Variants in LRP1B observed in about 807,000 individuals in gnomAD.
LRP1B encodes the protein low-density lipoprotein receptor-related protein 1B.
Under a neutral mutation model 556.6 loss-of-function variants are expected in LRP1B, and 217 were observed. The ratio of observed to expected loss-of-function variants is 0.39; its 90% CI spans 0.35 to 0.44. LRP1B has a LOEUF of 0.44. Among genes scored for constraint, LRP1B ranks in the 20% least tolerant of loss-of-function variants. The pLI, the probability that LRP1B is intolerant of heterozygous loss-of-function variation, is 1.00. For missense variants in LRP1B, 5,053 were observed against 5,620.8 expected (o/e 0.90, Z 3.23); for synonymous variants, 2,047 against 1,865.8 (o/e 1.10, Z -2.50).
At chr2:141,230,824 C>A (rs976687606) in intron 5 of LRP1B, among the ~76,000 whole-genome samples, 8 of 152,286 alleles carry the variant, frequency 5.3e-5, no homozygotes, top group African/African-American at 1.9e-4. Context: ...TCTCCTAGCA[C>A]TTTATCGTCT....
chr2:140,265,459 G>A (rs1192308737), intron 86 of LRP1B, among the ~76,000 whole-genome samples: 3 of 151,976 alleles, frequency 2.0e-5, no homozygotes, highest in Non-Finnish European at 4.4e-5. Context: ...AGAGACAAAA[G>A]TGAATCCTTT....
chr2:141,056,453 A>C (rs1047271271), intron 9 of LRP1B, among the ~76,000 whole-genome samples: 1 of 151,894 alleles, frequency 6.6e-6, no homozygotes, highest in African/African-American at 2.4e-5. Flanking sequence ...CACACTGTGC[A>C]AAGCTACCAA....
At chr2:140,234,919 AATATT>A in intron 89 of LRP1B, 35 bp from the exon 90 acceptor site, 1 of 749,538 alleles carries the variant, frequency 1.3e-6, no homozygotes, top group Non-Finnish European at 2.5e-6. Context: ...TTTCTGATCT[AATATT>A]ATAGAATCAC....
At chr2:141,480,557 G>T in intron 2 of LRP1B, 24 bp from the exon 3 acceptor site, 1 of 1,612,800 alleles carries the variant, frequency 6.2e-7, no homozygotes, top group Non-Finnish European at 8.5e-7. Flanking sequence ...AAAAAGAACA[G>T]AATTATGTGT....
chr2:140,796,064 T>TCTAC (rs1201987976), intron 32 of LRP1B, among the ~76,000 whole-genome samples: 1 of 151,816 alleles, frequency 6.6e-6, no homozygotes, highest in Non-Finnish European at 1.5e-5. Context: ...TATCTATCTA[T>TCTAC]CTATCTATCT....
At chr2:141,436,765 C>T (rs1218773170) in intron 3 of LRP1B, among the ~76,000 whole-genome samples, 1 of 152,068 alleles carries the variant, frequency 6.6e-6, no homozygotes, top group Non-Finnish European at 1.5e-5. Flanking sequence ...CTCTGAGGAA[C>T]AGTTTAGGTT....
At chr2:141,855,043 C>G (rs1283569440) in intron 1 of LRP1B, among the ~76,000 whole-genome samples, 1 of 151,862 alleles carries the variant, frequency 6.6e-6, no homozygotes, top group Non-Finnish European at 1.5e-5. Flanking sequence ...AAAAAATGAA[C>G]GAAATTTTGT....
Position 140,674,673 on chromosome 2 carries a change from G to A in LRP1B, c.6799+25577C>T, listed in dbSNP as rs182403218. Among the ~76,000 whole-genome samples, 808 of 152,258 alleles carry A rather than the reference G, an allele frequency of 5.3e-3. 7 individuals carry two copies. Among genetic ancestry groups the A allele is most frequent in the Non-Finnish European group, 8.1e-3 (550 of 68,022 alleles). On this transcript the variant is annotated intron_variant, in intron 41 of 90. Transcript: ENST00000389484. ...GTCTCCCTAAAATGTATAAAACCAC[G>A]CTGTAACCCAAACACCTTGGGCACG...
At chr2:140,972,847 A>G (rs1173197181) in intron 18 of LRP1B, among the ~76,000 whole-genome samples, 1 of 151,294 alleles carries the variant, frequency 6.6e-6, no homozygotes, top group Non-Finnish European at 1.5e-5. Flanking sequence ...ACTTGTTAGA[A>G]CAATAGTTTG....
At chr2:141,323,982 C>T (rs1471696651) in intron 3 of LRP1B, among the ~76,000 whole-genome samples, 1 of 95,110 alleles carries the variant, frequency 1.1e-5, no homozygotes, top group Non-Finnish European at 2.1e-5. Flanking sequence ...ACTCACATAC[C>T]TGAGCAAGGA....
At chr2:140,939,935 G>T (rs1695347774) in intron 20 of LRP1B, among the ~76,000 whole-genome samples, 1 of 144,562 alleles carries the variant, frequency 6.9e-6, no homozygotes, top group Non-Finnish European at 1.5e-5. Flanking sequence ...ACCCAGGCTG[G>T]AGTGCAGTGG....
intron 66 of LRP1B, among the ~76,000 whole-genome samples, chr2:140,441,018 A>T (rs1327366017): frequency 6.6e-6 from 1 of 152,060 alleles, no homozygotes; most frequent in East Asian, 1.9e-4. Context: ...TTCCTTATCA[A>T]TGAAATAGGG....
chr2:140,412,559 AT>A (rs1328152936), intron 66 of LRP1B, among the ~76,000 whole-genome samples: 2 of 152,084 alleles, frequency 1.3e-5, no homozygotes, highest in African/African-American at 2.4e-5. Context: ...AATAGATTGT[AT>A]TCAGGAAGGG....
intron 1 of LRP1B, among the ~76,000 whole-genome samples, chr2:142,021,134 AC>A (rs1346342256): frequency 5.9e-5 from 9 of 152,312 alleles, no homozygotes; most frequent in African/African-American, 2.2e-4. Flanking sequence ...AACCTCTAAT[AC>A]TTGGCATTCC....
intron 65 of LRP1B, 63 bp downstream of exon 65, chr2:140,444,267 A>C (rs1055302580): frequency 6.3e-7 from 1 of 1,575,626 alleles, no homozygotes; most frequent in Non-Finnish European, 8.7e-7. Flanking sequence ...GTATAGTACT[A>C]ATTTTTAGAC....
chr2:141,622,271 G>A (rs1314377565), intron 2 of LRP1B, among the ~76,000 whole-genome samples: 1 of 152,062 alleles, frequency 6.6e-6, no homozygotes, highest in African/African-American at 2.4e-5. Flanking sequence ...TAAAAAATGA[G>A]AATTCAAAAA....
At chr2:141,182,357 A>G (rs1372164051) in intron 7 of LRP1B, among the ~76,000 whole-genome samples, 1 of 151,920 alleles carries the variant, frequency 6.6e-6, no homozygotes, top group Non-Finnish European at 1.5e-5. Flanking sequence ...CGATGTTGTC[A>G]TTATGTTGCA....
At chr2:140,667,398 T>C (rs1246454380) in intron 41 of LRP1B, among the ~76,000 whole-genome samples, 1 of 152,230 alleles carries the variant, frequency 6.6e-6, no homozygotes, top group Admixed American at 6.5e-5. Flanking sequence ...TAAAGAGCAG[T>C]TGATACATGA....
chr2:140,428,817 C>T (rs1032263031), intron 66 of LRP1B, among the ~76,000 whole-genome samples: 2 of 152,154 alleles, frequency 1.3e-5, no homozygotes, highest in African/African-American at 4.8e-5. Context: ...TCTTTAAACT[C>T]CACAACTCTG....
Sources: gnomAD v4.1 joint callset for allele counts (sites outside exome capture counted in the v4.1 genomes callset) on GRCh38, gnomAD v4.1.1 for gene constraint, MANE v1.5 for transcripts, NCBI Gene and HGNC (gene_info 2026-07-23, HGNC 2026-07-21) for gene names.